CAPZA1: variants seen among roughly 807,000 people sequenced by gnomAD.
The protein encoded by CAPZA1 is capping actin protein of muscle Z-line subunit alpha 1.
CAPZA1 carries 10 observed loss-of-function variants against 40.8 expected under a neutral mutation model. That is an observed-to-expected ratio of 0.25 (90% CI 0.15 to 0.42). CAPZA1 has a LOEUF of 0.42. Among genes scored for constraint, CAPZA1 ranks in the 10% least tolerant of loss-of-function variants. CAPZA1 has a pLI of 1.00. For missense variants in CAPZA1, 277 were observed against 353.8 expected, an observed-to-expected ratio of 0.78 and a Z score of 1.74; for synonymous variants, 98 against 115.0, an observed-to-expected ratio of 0.85 and a Z score of 0.95.
At chr1:112,623,955 G>A (rs1359126688) in intron 1 of CAPZA1, among the ~76,000 whole-genome samples, 11 of 133,594 alleles carry the variant, frequency 8.2e-5, no homozygotes, top group Non-Finnish European at 1.5e-4. Flanking sequence ...GCAGTGAGCC[G>A]AGATTGTGCC....
Position 112,660,838 on chromosome 1 carries a change from C to CTTTT in CAPZA1, c.585+1081_585+1084dup, listed in dbSNP as rs67876993. Among the ~76,000 whole-genome samples the CTTTT allele has an allele frequency of 2.1e-4, 14 of 65,998 alleles. 1 individual carries two copies. The highest frequency in any genetic ancestry group is 1.9e-4 in the Non-Finnish European group (7 of 36,428). 43.3% of individuals were successfully genotyped at this position (65,998 alleles called of 152,430 possible). ...TTTAACAACAATTACCAAGAGTTGT[C>CTTTT]TTTTTTTTTTTTTTTTTTTTTTTTT... On this transcript the variant is annotated intron_variant, in intron 7 of 9. Transcript: ENST00000263168.
At chr1:112,662,949 C>A (rs1267557303) in intron 7 of CAPZA1, among the ~76,000 whole-genome samples, 1 of 151,736 alleles carries the variant, frequency 6.6e-6, no homozygotes, top group African/African-American at 2.4e-5. Flanking sequence ...TGTAATAATT[C>A]CCCCCTGCCC....
At chr1:112,632,775 A>G (rs1670945303) in intron 1 of CAPZA1, among the ~76,000 whole-genome samples, 2 of 152,226 alleles carry the variant, frequency 1.3e-5, no homozygotes, top group Non-Finnish European at 2.9e-5. Context: ...AACTTGCCTG[A>G]CTTCCCTACC....
chr1:112,638,822 C>T (rs1037870948), intron 1 of CAPZA1, among the ~76,000 whole-genome samples: 1 of 151,042 alleles, frequency 6.6e-6, no homozygotes, highest in Admixed American at 6.6e-5. Context: ...GTAATCCCAG[C>T]TACCCAGGAG....
At chr1:112,649,558 T>G in intron 3 of CAPZA1, 89 bp downstream of exon 3, 1 of 1,061,138 alleles carries the variant, frequency 9.4e-7, no homozygotes, top group Non-Finnish European at 1.4e-6. Context: ...AAACAAAGTT[T>G]AAAATACTTC....
chr1:112,647,213 C>A lies in CAPZA1; in HGVS notation c.43C>A (p.Arg15Ser). The A allele has an allele frequency of 6.6e-7, 1 of 1,510,540 alleles. No homozygotes were observed. The highest frequency in any genetic ancestry group is 9.0e-7 in the Non-Finnish European group (1 of 1,116,032). 93.6% of individuals were successfully genotyped at this position (1,510,540 alleles called of 1,614,324 possible). Reference protein sequence around the residue: ...DDRVSDEEKVRIAAKFITHAP... With the variant: ...DDRVSDEEKVSIAAKFITHAP... ...TGTAAATTTTGTTTCTCTTTAGGTA[C>A]GCATAGCTGCTAAATTCATCACTCA... is the stretch of plus-strand genomic sequence containing the variant. The change falls in exon 2 of 10, where the codon CGC (arginine) becomes AGC (serine). Residue 15 changes from arginine (R) to serine (S), a missense_variant. By Grantham distance (110) the Arg-to-Ser change is moderately radical. Coordinates refer to ENST00000263168, the MANE Select transcript of CAPZA1 (RefSeq NM_006135.3).
chr1:112,620,657 G>A (rs949901021), intron 1 of CAPZA1: 1 of 152,186 alleles, frequency 6.6e-6, no homozygotes, highest in African/African-American at 2.4e-5. Context: ...ATGTTAACAC[G>A]TTCAAGACTG....
chr1:112,648,689 G>A (rs1671330260), intron 2 of CAPZA1, among the ~76,000 whole-genome samples: 1 of 151,774 alleles, frequency 6.6e-6, no homozygotes, highest in Admixed American at 6.6e-5. Flanking sequence ...CAGGCCAGGC[G>A]TGGTGGCTCA....
chr1:112,656,023 T>A (rs1340859540), intron 5 of CAPZA1, among the ~76,000 whole-genome samples: 1 of 152,244 alleles, frequency 6.6e-6, no homozygotes, highest in African/African-American at 2.4e-5. Flanking sequence ...TTTTGAAATA[T>A]GTATACATTG....
chr1:112,655,754 A>C (rs1570720565), intron 5 of CAPZA1, among the ~76,000 whole-genome samples: 1 of 151,860 alleles, frequency 6.6e-6, no homozygotes, highest in African/African-American at 2.4e-5. Context: ...GTAGAGACAG[A>C]GCTTCACCAT....
chr1:112,640,254 G>A (rs1671121486), intron 1 of CAPZA1, among the ~76,000 whole-genome samples: 2 of 120,656 alleles, frequency 1.7e-5, no homozygotes, highest in Non-Finnish European at 3.6e-5. Context: ...CTGCCCGGCC[G>A]CCCCTACTGG....
At chr1:112,651,168 G>C (rs1362667303) in intron 3 of CAPZA1, among the ~76,000 whole-genome samples, 1 of 152,148 alleles carries the variant, frequency 6.6e-6, no homozygotes, top group Non-Finnish European at 1.5e-5. Flanking sequence ...ATCTTTCCTG[G>C]ATTTCCACCA....
chr1:112,665,157 CTTTG>C (rs1486937696), intron 7 of CAPZA1, among the ~76,000 whole-genome samples: 15 of 144,028 alleles, frequency 1.0e-4, no homozygotes, highest in South Asian at 4.5e-4. Context: ...GACTAGATGT[CTTTG>C]TTTGGGGTTT....
chr1:112,640,680 G>A (rs904690596), intron 1 of CAPZA1, among the ~76,000 whole-genome samples: 8 of 152,216 alleles, frequency 5.3e-5, no homozygotes, highest in Admixed American at 6.5e-5. Context: ...GCTGGAAAGT[G>A]AGGAGCCCCT....
At chr1:112,664,758 A>T (rs575871756) in intron 7 of CAPZA1, among the ~76,000 whole-genome samples, 1 of 152,150 alleles carries the variant, frequency 6.6e-6, no homozygotes, top group South Asian at 2.1e-4. Context: ...AACATGGTGA[A>T]ACCTCGTCTC....
intron 1 of CAPZA1, 162 bp downstream of exon 1, chr1:112,620,045 T>C: frequency 1.7e-6 from 1 of 586,050 alleles, no homozygotes; most frequent in South Asian, 2.1e-5. Flanking sequence ...TAGGGGGCTT[T>C]CCTCTGCCTC....
At chr1:112,665,006 G>T (rs1671695588) in intron 7 of CAPZA1, among the ~76,000 whole-genome samples, 1 of 152,248 alleles carries the variant, frequency 6.6e-6, no homozygotes, top group African/African-American at 2.4e-5. Context: ...ACATAGTAAA[G>T]GCTTAATAAA....
At chr1:112,629,455 C>T (rs1444997805) in intron 1 of CAPZA1, among the ~76,000 whole-genome samples, 1 of 152,218 alleles carries the variant, frequency 6.6e-6, no homozygotes, top group African/African-American at 2.4e-5. Context: ...AATGTAAACT[C>T]CATGAGGACA....
intron 1 of CAPZA1, among the ~76,000 whole-genome samples, chr1:112,635,553 CTTTTTT>C (rs5777132): frequency 2.1e-5 from 3 of 139,556 alleles, no homozygotes; most frequent in African/African-American, 7.9e-5. Context: ...TTGTCAAGGA[CTTTTTT>C]TTTTTTTTTT....
Sources: gnomAD v4.1 joint callset for allele counts (sites outside exome capture counted in the v4.1 genomes callset) on GRCh38, gnomAD v4.1.1 for gene constraint, MANE v1.5 for transcripts, NCBI Gene and HGNC (gene_info 2026-07-23, HGNC 2026-07-21) for gene names.